WDFY3: variants seen among roughly 807,000 people sequenced by gnomAD.
WDFY3 encodes the protein WD repeat and FYVE domain containing 3.
Under a neutral mutation model 409.6 loss-of-function variants are expected in WDFY3, and 66 were observed. The ratio of observed to expected loss-of-function variants is 0.16; its 90% CI spans 0.13 to 0.20. The LOEUF (loss-of-function observed/expected upper bound fraction) is 0.20, where lower values mean the gene tolerates loss of function less well. WDFY3 is among the 10% of genes least tolerant of loss of function. WDFY3 has a pLI of 1.00. For missense variants in WDFY3, 3,031 were observed against 4,298.1 expected (o/e 0.71, Z 8.24); for synonymous variants, 1,521 against 1,537.1 (o/e 0.99, Z 0.25).
chr4:84,962,879 G>T (rs1775090640), intron 1 of WDFY3, among the ~76,000 whole-genome samples: 1 of 151,574 alleles, frequency 6.6e-6, no homozygotes, highest in African/African-American at 2.4e-5. Flanking sequence ...TCACCATATT[G>T]GCCAGGCTGG....
In WDFY3 at chr4:84,672,666, T is replaced by C. The variant is rs1725598487; in HGVS notation, c.*202A>G. Reference sequence around the variant, plus strand: ...CCTAGGAACCACCTCATATTCTTCTTGTGCTGTTCACCTGAATCGCGTCTG... The same window carrying C: ...CCTAGGAACCACCTCATATTCTTCTCGTGCTGTTCACCTGAATCGCGTCTG... On this transcript the variant is annotated 3_prime_UTR_variant, in exon 68 of 68. Transcript: ENST00000295888. 2 of 555,594 alleles carry C rather than the reference T, an allele frequency of 3.6e-6. No homozygotes were observed. The highest frequency in any genetic ancestry group is 3.3e-5 in the East Asian group (1 of 29,932). The allele number at this position is 555,594 out of a possible 1,614,324, so 34.4% of individuals were successfully genotyped here.
chr4:84,837,915 A>T (rs1310209458), intron 6 of WDFY3, among the ~76,000 whole-genome samples: 2 of 152,152 alleles, frequency 1.3e-5, no homozygotes, highest in African/African-American at 4.8e-5. Flanking sequence ...CCTTCAAAAG[A>T]CCACAGTCGA....
intron 1 of WDFY3, among the ~76,000 whole-genome samples, chr4:84,956,628 A>G (rs1343091634): frequency 6.6e-6 from 1 of 152,206 alleles, no homozygotes; most frequent in East Asian, 1.9e-4. Flanking sequence ...CAAATACAAT[A>G]CTTTAAATCC....
intron 3 of WDFY3, among the ~76,000 whole-genome samples, chr4:84,868,558 C>T (rs1389632978): frequency 3.9e-5 from 6 of 152,114 alleles, no homozygotes; most frequent in Non-Finnish European, 8.8e-5. Context: ...ACTATATATA[C>T]CCTGAGCTAC....
intron 67 of WDFY3, among the ~76,000 whole-genome samples, chr4:84,673,602 AC>A (rs1560503059): frequency 3.3e-5 from 5 of 152,138 alleles, no homozygotes; most frequent in African/African-American, 1.2e-4. Flanking sequence ...CAGTCCCAAC[AC>A]CCTCATTTCC....
At chr4:84,845,621 A>T (rs1483597788) in intron 5 of WDFY3, among the ~76,000 whole-genome samples, 4 of 152,166 alleles carry the variant, frequency 2.6e-5, no homozygotes, top group Non-Finnish European at 5.9e-5. Flanking sequence ...AATAAAGATG[A>T]AATATTAAGA....
chr4:84,754,412 G>T (rs1278165282), intron 34 of WDFY3, among the ~76,000 whole-genome samples: 2 of 152,146 alleles, frequency 1.3e-5, no homozygotes, highest in Non-Finnish European at 2.9e-5. Flanking sequence ...TGTCTTTATA[G>T]TTGTTTATGA....
At chr4:84,840,581 A>T (rs1335252225) in intron 6 of WDFY3, among the ~76,000 whole-genome samples, 1 of 151,840 alleles carries the variant, frequency 6.6e-6, no homozygotes, top group East Asian at 1.9e-4. Flanking sequence ...AAATGGTATC[A>T]TTAAAATAAT....
chr4:84,938,048 C>T (rs1260581988), intron 1 of WDFY3, among the ~76,000 whole-genome samples: 3 of 152,076 alleles, frequency 2.0e-5, no homozygotes, highest in Admixed American at 1.3e-4. Flanking sequence ...ATAAGCACTG[C>T]GATACTCTGA....
At chr4:84,837,133 T>C (rs751651123) in intron 6 of WDFY3, 43 bp from the exon 7 acceptor site, 19 of 1,396,752 alleles carry the variant, frequency 1.4e-5, no homozygotes, top group Non-Finnish European at 1.7e-5. Context: ...TAGACACAAC[T>C]ATAATTGGTA....
At chr4:84,874,793 G>C (rs1420730057) in intron 3 of WDFY3, among the ~76,000 whole-genome samples, 1 of 152,054 alleles carries the variant, frequency 6.6e-6, no homozygotes, top group Non-Finnish European at 1.5e-5. Flanking sequence ...TAACGACAGG[G>C]ATACACTCGA....
At chr4:84,865,594 A>G (rs1473643112) in intron 3 of WDFY3, among the ~76,000 whole-genome samples, 1 of 152,210 alleles carries the variant, frequency 6.6e-6, no homozygotes, top group East Asian at 1.9e-4. Context: ...GTTTCCTCTC[A>G]GTAATTTTCT....
intron 46 of WDFY3, among the ~76,000 whole-genome samples, chr4:84,724,218 C>T (rs762494921): frequency 7.2e-5 from 11 of 152,034 alleles, no homozygotes; most frequent in Non-Finnish European, 1.2e-4. Flanking sequence ...CCAATGGGCA[C>T]GTGATATTCA....
chr4:84,785,468 T>C (rs984036094), intron 24 of WDFY3, among the ~76,000 whole-genome samples: 3 of 152,086 alleles, frequency 2.0e-5, no homozygotes, highest in Non-Finnish European at 4.4e-5. Context: ...ACTTGAAGCT[T>C]CTCTCTTTCC....
intron 25 of WDFY3, 113 bp downstream of exon 25, chr4:84,782,850 T>C (rs1270204240): frequency 2.4e-6 from 2 of 824,234 alleles, no homozygotes; most frequent in Non-Finnish European, 4.0e-6. Context: ...ACGTACACTA[T>C]AGGTCAGTGC....
At chr4:84,949,359 T>C (rs1400406553) in intron 1 of WDFY3, among the ~76,000 whole-genome samples, 2 of 152,154 alleles carry the variant, frequency 1.3e-5, no homozygotes, top group Non-Finnish European at 1.5e-5. Flanking sequence ...ATCCCACACA[T>C]TTACACGCCC....
intron 2 of WDFY3, among the ~76,000 whole-genome samples, chr4:84,903,751 A>C (rs1360275225): frequency 3.9e-5 from 6 of 152,228 alleles, no homozygotes; most frequent in Non-Finnish European, 8.8e-5. Flanking sequence ...ACAAACTGAG[A>C]AAAGCTGGAC....
chr4:84,797,920 C>G, intron 18 of WDFY3, 76 bp downstream of exon 18: 1 of 1,350,408 alleles, frequency 7.4e-7, no homozygotes, highest in South Asian at 1.3e-5. Flanking sequence ...CTTTCACAAA[C>G]TTCTTGAAAT....
At chr4:84,696,687 G>T in intron 57 of WDFY3, 45 bp downstream of exon 57, 2 of 1,583,880 alleles carry the variant, frequency 1.3e-6, no homozygotes, top group South Asian at 2.2e-5. Flanking sequence ...TATGTTCAAT[G>T]ACCAAATGAA....
Sources: gnomAD v4.1 joint callset for allele counts (sites outside exome capture counted in the v4.1 genomes callset) on GRCh38, gnomAD v4.1.1 for gene constraint, MANE v1.5 for transcripts, NCBI Gene and HGNC (gene_info 2026-07-23, HGNC 2026-07-21) for gene names.